Variants in HK2 observed in about 807,000 individuals in gnomAD.
HK2 encodes hexokinase-2.
HK2 carries 42 observed loss-of-function variants against 92.9 expected under a neutral mutation model. The ratio of observed to expected loss-of-function variants is 0.45; its 90% CI spans 0.35 to 0.58. The LOEUF is 0.58. Among genes scored for constraint, HK2 ranks in the 20% least tolerant of loss-of-function variants. The probability of loss-of-function intolerance (pLI) is 0.00; values close to 1 mark genes in which losing one functional copy is unlikely to be tolerated. For synonymous variants in HK2, 422 were observed against 468.0 expected (o/e 0.90, Z 1.27); for missense variants, 978 against 1,245.1 (o/e 0.79, Z 3.23).
At chr2:74,880,631 G>C (rs1689364917) in intron 10 of HK2, 62 bp downstream of exon 10, 4 of 1,519,880 alleles carry the variant, frequency 2.6e-6, no homozygotes, top group African/African-American at 2.7e-5. Context: ...TTGATACCCT[G>C]GGAGGGATCC....
chr2:74,882,028 G>A, intron 11 of HK2, 92 bp from the exon 12 acceptor site: 2 of 1,465,392 alleles, frequency 1.4e-6, no homozygotes, highest in South Asian at 1.1e-5. Context: ...TCTTCTGGGT[G>A]GAAAGAAACA....
At chr2:74,854,244 A>T (rs539959546) in intron 1 of HK2, 49 bp from the exon 2 acceptor site, 1 of 1,578,858 alleles carries the variant, frequency 6.3e-7, no homozygotes. Flanking sequence ...CACCTATGCC[A>T]TAATTTATTT....
intron 2 of HK2, among the ~76,000 whole-genome samples, chr2:74,857,636 ACT>A (rs950755246): frequency 1.3e-5 from 2 of 152,134 alleles, no homozygotes; most frequent in South Asian, 2.1e-4. Flanking sequence ...ACAGCATGAG[ACT>A]CTGTCTCAAA....
At chr2:74,886,755 C>T (rs1689550236) in intron 15 of HK2, 82 bp downstream of exon 15, 1 of 1,389,728 alleles carries the variant, frequency 7.2e-7, no homozygotes, top group Non-Finnish European at 1.0e-6. Flanking sequence ...AATGGCATCT[C>T]CCAGGACGCC....
At chr2:74,839,043 T>C (rs1688241881) in intron 1 of HK2, among the ~76,000 whole-genome samples, 1 of 152,194 alleles carries the variant, frequency 6.6e-6, no homozygotes, top group Non-Finnish European at 1.5e-5. Flanking sequence ...TTCCTTGTTG[T>C]ATGAGCAAGG....
In HK2 at chr2:74,889,502, C is replaced by T. The variant is rs147188957; in HGVS notation, c.2609+24C>T. On this transcript the variant is annotated intron_variant, in intron 17 of 17. Coordinates refer to ENST00000290573, the MANE Select transcript of HK2 (RefSeq NM_000189.5). ...CAGTGAGTGCCTGATCCCAGCCCCCCCTGCCTACCTTCTTTCTGTCTTTGT... is the reference window on the plus strand; with the variant it reads ...CAGTGAGTGCCTGATCCCAGCCCCCTCTGCCTACCTTCTTTCTGTCTTTGT... 1.3e-5 allele frequency: 18 copies of T among 1,390,306 alleles called. No homozygotes were observed. The Admixed American group carries it at 1.5e-4, about 11-fold the overall frequency. The allele number at this position is 1,390,306 out of a possible 1,614,324, so 86.1% of individuals were successfully genotyped here. A position where few individuals can be genotyped will look rare whatever the true frequency, so the allele number is the denominator to read the frequency against.
Position 74,881,755 on chromosome 2 carries a change from C to T in HK2, c.1615C>T (p.Arg539Trp), listed in dbSNP as rs776377551. ...LALDLGGTNF[R>W]VLLVRVRNGK... ...CTTGGACCTTGGAGGAACAAATTTC[C>T]GGGTCCTGCTGGTCCGTGTTCGGAA... The change falls in exon 11 of 18, where the codon CGG becomes TGG. Residue 539 changes from arginine to tryptophan, a missense_variant. Arg to Trp is a moderately radical substitution (Grantham distance 101). Transcript: ENST00000290573. The T allele has an allele frequency of 7.4e-6, 12 of 1,614,040 alleles. No individual in the cohort carries two copies. Among genetic ancestry groups the T allele is most frequent in the Admixed American group, 1.7e-5 (1 of 60,000 alleles).
intron 8 of HK2, 69 bp from the exon 9 acceptor site, chr2:74,878,619 A>ACC: frequency 1.6e-6 from 2 of 1,268,484 alleles, no homozygotes; most frequent in Non-Finnish European, 2.3e-6. Flanking sequence ...CTTCCTTGCC[A>ACC]CCCCCCGACA....
chr2:74,844,696 G>T (rs1013726029), intron 1 of HK2, among the ~76,000 whole-genome samples: 1 of 152,218 alleles, frequency 6.6e-6, no homozygotes, highest in African/African-American at 2.4e-5. Flanking sequence ...CTGTCGAGGG[G>T]TAGGCAGAGT....
At position 74,886,775 on chromosome 2, in the gene HK2, G is replaced by C; in HGVS notation, c.2219+102G>C. 4 of 1,227,272 alleles carry C rather than the reference G, an allele frequency of 3.3e-6. No homozygotes were observed. In the South Asian group the frequency reaches 4.9e-5, roughly 15 times the overall value. 76.0% of individuals were successfully genotyped at this position (1,227,272 alleles called of 1,614,324 possible). On this transcript the variant is annotated intron_variant, in intron 15 of 17. Transcript: ENST00000290573. ...CATCTCCCAGGACGCCGGTTCTCGTGAGATGTTAATAAAGGAGGTTTTCTT... is the reference window on the plus strand; with the variant it reads ...CATCTCCCAGGACGCCGGTTCTCGTCAGATGTTAATAAAGGAGGTTTTCTT...
rs1386922622 is a variant in HK2 at position 74,852,992 on chromosome 2, G to T, written c.64-1301G>T. Among the ~76,000 whole-genome samples, 3 of 152,330 alleles carry T rather than the reference G, an allele frequency of 2.0e-5. No homozygotes were observed. The East Asian group carries it at 5.8e-4, about 29-fold the overall frequency. On this transcript the variant is annotated intron_variant, in intron 1 of 17. Transcript: ENST00000290573. Reference sequence around the variant, plus strand: ...AGTTCCAAATTGTGGATAGTGTTGCGAAGGGAAAAGCTCAAGTTCTTAGAA... The same window carrying T: ...AGTTCCAAATTGTGGATAGTGTTGCTAAGGGAAAAGCTCAAGTTCTTAGAA...
chr2:74,850,219 A>G (rs1419826562), intron 1 of HK2, among the ~76,000 whole-genome samples: 1 of 152,200 alleles, frequency 6.6e-6, no homozygotes, highest in Non-Finnish European at 1.5e-5. Context: ...GTTAGTCTGG[A>G]ATGGATCCTT....
intron 1 of HK2, among the ~76,000 whole-genome samples, chr2:74,850,258 C>G (rs1236131720): frequency 6.6e-6 from 1 of 152,204 alleles, no homozygotes; most frequent in East Asian, 1.9e-4. Context: ...TTTAAAAGCT[C>G]CTCATGTGAT....
At chr2:74,865,579 C>G (rs549302028) in intron 2 of HK2, among the ~76,000 whole-genome samples, 2 of 152,200 alleles carry the variant, frequency 1.3e-5, no homozygotes, top group South Asian at 4.1e-4. Context: ...GCTGGAGTGT[C>G]TGGAAAAGCC....
chr2:74,864,655 C>T (rs1228731715), intron 2 of HK2, among the ~76,000 whole-genome samples: 2 of 152,106 alleles, frequency 1.3e-5, no homozygotes, highest in Non-Finnish European at 2.9e-5. Flanking sequence ...TACAGGGCTA[C>T]GCCACCATGC....
chr2:74,845,179 A>G (rs1486125301), intron 1 of HK2, among the ~76,000 whole-genome samples: 2 of 152,212 alleles, frequency 1.3e-5, no homozygotes, highest in African/African-American at 4.8e-5. Flanking sequence ...GAAACTGCCT[A>G]CTGTTCTGCC....
rs1558803116 is a variant in HK2, at chr2:74,880,371, G to A, written c.1372G>A (p.Ala458Thr). The A allele has an allele frequency of 6.2e-7, 1 of 1,614,196 alleles. No individual in the cohort carries two copies. The highest frequency in any genetic ancestry group is 8.5e-7 in the Non-Finnish European group (1 of 1,180,038). ...GSGKGAAMVT[A>T]VAYRLADQHR... ...TGGCAAAGGTGCAGCCATGGTGACAGCAGTGGCTTACCGGCTGGCCGATCA... is the reference window on the plus strand; with the variant it reads ...TGGCAAAGGTGCAGCCATGGTGACAACAGTGGCTTACCGGCTGGCCGATCA... Residue 458 changes from alanine to threonine, a missense_variant, in exon 10 of 18, where the codon GCA becomes ACA. Transcript: ENST00000290573.
intron 1 of HK2, among the ~76,000 whole-genome samples, chr2:74,840,642 C>T (rs923441883): frequency 1.3e-4 from 19 of 147,784 alleles, no homozygotes; most frequent in South Asian, 6.5e-4. Context: ...CCAAGGCGGG[C>T]GGATCACGAG....
intron 15 of HK2, 64 bp downstream of exon 15, chr2:74,886,737 G>A: frequency 6.5e-7 from 1 of 1,531,982 alleles, no homozygotes; most frequent in African/African-American, 1.4e-5. Flanking sequence ...AGTGATCAGA[G>A]CTTCCACAAT....
Sources: allele counts gnomAD v4.1 joint callset (sites outside exome capture counted in the v4.1 genomes callset), GRCh38; gene constraint gnomAD v4.1.1; transcripts MANE v1.5; gene names NCBI Gene and HGNC (gene_info 2026-07-23, HGNC 2026-07-21).